The following SP5 variants were observed in gnomAD, a reference collection of about 807,000 sequenced individuals.
SP5 encodes Sp5 transcription factor.
SP5 carries 12 observed loss-of-function variants against 27.4 expected under a neutral mutation model. The ratio of observed to expected loss-of-function variants is 0.44; its 90% CI spans 0.28 to 0.71. The LOEUF is 0.71. Ranked by LOEUF, SP5 falls within the 30% of genes least tolerant of loss-of-function variation. The probability of loss-of-function intolerance (pLI) is 0.15; values close to 1 mark genes in which losing one functional copy is unlikely to be tolerated. For missense variants in SP5, 660 were observed against 589.8 expected, an observed-to-expected ratio of 1.12 and a Z score of -1.23; for synonymous variants, 330 against 290.7, an observed-to-expected ratio of 1.14 and a Z score of -1.38.
In SP5 at chr2:170,717,429, CCCA is replaced by C. The variant is rs766846978; in HGVS notation, c.*26_*28del. The C allele has an allele frequency of 6.2e-7, 1 of 1,606,270 alleles. No homozygotes were observed. The highest frequency in any genetic ancestry group is 1.1e-5 in the South Asian group (1 of 90,538). ...AGCCCTCCCGGAGGTGGACCCCCTT[CCCA>C]GCACCTCTGCGAGAGATCCGGGGAC... is the stretch of plus-strand genomic sequence containing the variant. On this transcript the variant is annotated 3_prime_UTR_variant, in exon 2 of 2. Transcript: ENST00000375281.
At position 170,716,619 on chromosome 2, in the gene SP5, C is replaced by T; in HGVS notation, c.412C>T (p.Leu138=). 1 of 1,607,954 alleles carries T rather than the reference C, an allele frequency of 6.2e-7. No homozygotes were observed. ...GATGCTGCCCTCGAGCATGGCGGCT[C>T]TGCCCGCCAGCTGCGCGCCCGCCTA... ...VKMLPSSMAA[L]PASCAPAYVP... The change falls in exon 2 of 2, where the codon CTG becomes TTG. Residue 138 remains leucine, a synonymous_variant. Transcript: ENST00000375281.
intron 1 of SP5, chr2:170,715,948 A>T: frequency 7.4e-7 from 1 of 1,343,846 alleles, no homozygotes; most frequent in South Asian, 1.9e-5. Flanking sequence ...CTGACCACGG[A>T]GCCGGGAGGG....
Position 170,717,013 on chromosome 2 carries a change from GGA to G in SP5, c.808_809del (p.Arg270ValfsTer111). The stretch of plus-strand genomic sequence containing the variant: ...AAGGCCCCCCTGGCGGCCACGGCCA[GGA>G]GGTGCCGCCGCTGCCGCTGTCCCAA... On this transcript the variant is annotated frameshift_variant, in exon 2 of 2. Coordinates refer to ENST00000375281, the MANE Select transcript of SP5 (RefSeq NM_001003845.3). LOFTEE classifies it high-confidence loss of function. 5.2e-6 allele frequency: 8 copies of G among 1,547,320 alleles called. No individual in the cohort carries two copies. Among genetic ancestry groups the G allele is most frequent in the Non-Finnish European group, 7.0e-6 (8 of 1,146,136 alleles).
Position 170,715,557 on chromosome 2 carries a change from T to TCTC in SP5, c.47_49dup (p.Leu16dup), listed in dbSNP as rs1559229613. The TCTC allele has an allele frequency of 6.4e-7, 1 of 1,557,196 alleles. No individual in the cohort carries two copies. The highest frequency in any genetic ancestry group is 1.2e-5 in the South Asian group (1 of 84,158). ...TCCGGAACGACTCGCTGCAGGCCTT[T>TCTC]CTCCAGGTCAGGGCCGAGCCCGGAG... On this transcript the variant is annotated inframe_insertion, in exon 1 of 2. Coordinates refer to ENST00000375281, the MANE Select transcript of SP5 (RefSeq NM_001003845.3).
rs777917798 is a variant in SP5 at position 170,716,442 on chromosome 2, G to A, written c.235G>A (p.Ala79Thr). 3 of 1,603,038 alleles carry A rather than the reference G, an allele frequency of 1.9e-6. No individual in the cohort carries two copies. The highest frequency in any genetic ancestry group is 1.1e-5 in the South Asian group (1 of 90,790). ...CCACCCGTGGACCGCCGACATGCCG[G>A]CGCACTCGCCAGGCGCACTGCCGCC... ...LFHPWTADMP[A>T]HSPGALPPPH... The change falls in exon 2 of 2, where the codon GCG becomes ACG. Residue 79 changes from alanine to threonine, a missense_variant. Ala to Thr is a moderately conservative substitution (Grantham distance 58, BLOSUM62 0). Coordinates refer to ENST00000375281, the MANE Select transcript of SP5 (RefSeq NM_001003845.3).
rs1200398250 is a variant in SP5, at chr2:170,715,484, C to G, written c.-29C>G. 6.5e-7 allele frequency: 1 copy of G among 1,544,702 alleles called. No homozygotes were observed. Among genetic ancestry groups the G allele is most frequent in the South Asian group, 1.2e-5 (1 of 83,616 alleles). On this transcript the variant is annotated 5_prime_UTR_variant, in exon 1 of 2. Transcript: ENST00000375281. Reference sequence around the variant, plus strand: ...CATGCCTCGGCGGCGGCGTCCCGCTCCGCAGCCAGGGGCCTGCAAGCCGTA... The same window carrying G: ...CATGCCTCGGCGGCGGCGTCCCGCTGCGCAGCCAGGGGCCTGCAAGCCGTA...
chr2:170,716,746 C>A lies in SP5; in HGVS notation c.539C>A (p.Pro180His). The part of the protein sequence containing the change: ...PPPPTCRQLS[P>H]NPAPDDLPWW... ...CCGCCCACCTGCCGCCAGTTGTCAC[C>A]CAACCCGGCCCCCGACGACCTCCCG... Residue 180 changes from proline to histidine, a missense_variant, in exon 2 of 2, where the codon CCC becomes CAC. Transcript: ENST00000375281. 1 of 1,470,458 alleles carries A rather than the reference C, an allele frequency of 6.8e-7. No individual in the cohort carries two copies. Among genetic ancestry groups the A allele is most frequent in the Non-Finnish European group, 8.9e-7 (1 of 1,118,022 alleles). 91.1% of individuals were successfully genotyped at this position (1,470,458 alleles called of 1,614,324 possible). A position where few individuals can be genotyped will look rare whatever the true frequency, so the allele number is the denominator to read the frequency against.
intron 1 of SP5, 166 bp downstream of exon 1, chr2:170,715,729 C>G: frequency 2.0e-6 from 2 of 985,420 alleles, no homozygotes; most frequent in Non-Finnish European, 2.4e-6. Context: ...TCCGGTGTGG[C>G]CTTTGCTGGA....
Position 170,717,576 on chromosome 2 carries a change from G to T in SP5, c.*172G>T. 1 of 868,824 alleles carries T rather than the reference G, an allele frequency of 1.2e-6. No individual in the cohort carries two copies. The highest frequency in any genetic ancestry group is 1.7e-6 in the Non-Finnish European group (1 of 579,332). 53.8% of individuals were successfully genotyped at this position (868,824 alleles called of 1,614,324 possible). ...TCGGACATAGGGACCCAGTTCCCAG[G>T]AGCGGGGAGGTAGGGTTGGGGCTGG... is the stretch of plus-strand genomic sequence containing the variant. On this transcript the variant is annotated 3_prime_UTR_variant, in exon 2 of 2. Transcript: ENST00000375281.
In SP5 at chr2:170,716,679, G is replaced by C; in HGVS notation, c.472G>C (p.Gly158Arg). 6.3e-7 allele frequency: 1 copy of C among 1,587,748 alleles called. No homozygotes were observed. Among genetic ancestry groups the C allele is most frequent in the African/African-American group, 1.4e-5 (1 of 72,726 alleles). The change falls in exon 2 of 2, where the codon GGC becomes CGC. Residue 158 changes from glycine to arginine, a missense_variant. Physicochemically the swap from Gly to Arg is moderately radical, Grantham distance 125. Transcript: ENST00000375281. ...CGCGGCGCAGGCCGCGCTGCCGCCA[G>C]GCTACTCCAACCTGCTGCCTCCGCC... ...PYAAQAALPP[G>R]YSNLLPPPPP...
Position 170,717,077 on chromosome 2 carries a change from G to C in SP5, c.870G>C (p.Pro290=), listed in dbSNP as rs772499390. The change falls in exon 2 of 2, where the codon CCG becomes CCC. Residue 290 remains proline, a synonymous_variant. Coordinates refer to ENST00000375281, the MANE Select transcript of SP5 (RefSeq NM_001003845.3). ...CGGGCGGCGCCCCCGAGGCGGAGCC[G>C]GGGAAGAAGAAGCAGCACGTGTGCC... is the stretch of plus-strand genomic sequence containing the variant. The part of the protein sequence containing the change: ...QAAGGAPEAE[P]GKKKQHVCHV... 2 of 1,561,978 alleles carry C rather than the reference G, an allele frequency of 1.3e-6. No homozygotes were observed. The highest frequency in any genetic ancestry group is 1.9e-5 in the Admixed American group (1 of 52,672).
At position 170,717,286 on chromosome 2, in the gene SP5, A is replaced by T. The variant is rs138180926; in HGVS notation, c.1079A>T (p.Glu360Val). 65 of 1,610,120 alleles carry T rather than the reference A, an allele frequency of 4.0e-5. No individual in the cohort carries two copies. Among genetic ancestry groups the T allele is most frequent in the Middle Eastern group, 1.7e-4 (1 of 6,060 alleles). Reference sequence around the variant, plus strand: ...GGCGAGAAGCGCTTTGCCTGTCCCGAGTGCGGCAAGCGCTTCATGCGCAGC... The same window carrying T: ...GGCGAGAAGCGCTTTGCCTGTCCCGTGTGCGGCAAGCGCTTCATGCGCAGC... Reference protein sequence around the residue: ...HTGEKRFACPECGKRFMRSDH... With the variant: ...HTGEKRFACPVCGKRFMRSDH... The change falls in exon 2 of 2, where the codon GAG becomes GTG. Residue 360 changes from glutamate (E) to valine (V), a missense_variant. By Grantham distance (121) the Glu-to-Val change is moderately radical (BLOSUM62 -2). Transcript: ENST00000375281.
At chr2:170,716,066 C>A in intron 1 of SP5, 193 bp from the exon 2 acceptor site, 1 of 1,397,288 alleles carries the variant, frequency 7.2e-7, no homozygotes, top group Non-Finnish European at 9.2e-7. Flanking sequence ...GCCCCACGTT[C>A]AGGTAGCGCA....
In SP5 at chr2:170,717,669, C is replaced by T. The variant is rs912962354; in HGVS notation, c.*265C>T. Reference sequence around the variant, plus strand: ...GGTTCCAAACTCTAAACCGTTCCCACCGTCAGGGAGACCTACAGTTTCGGG... The same window carrying T: ...GGTTCCAAACTCTAAACCGTTCCCATCGTCAGGGAGACCTACAGTTTCGGG... On this transcript the variant is annotated 3_prime_UTR_variant, in exon 2 of 2. Transcript: ENST00000375281. The T allele has an allele frequency of 1.8e-6, 1 of 551,754 alleles. No homozygotes were observed. 34.2% of individuals were successfully genotyped at this position (551,754 alleles called of 1,614,324 possible).
Position 170,717,346 on chromosome 2 carries a change from A to G in SP5, c.1139A>G (p.Asn380Ser), listed in dbSNP as rs572881879. 1.9e-6 allele frequency: 3 copies of G among 1,610,980 alleles called. No homozygotes were observed. The highest frequency in any genetic ancestry group is 2.5e-6 in the Non-Finnish European group (3 of 1,180,006). The stretch of plus-strand genomic sequence containing the variant: ...GCGAAGCACGTCAAGACTCACCAGA[A>G]TAAGAAGCTCAAAGTCGCTGAGGCC... The part of the protein sequence containing the change: ...HLAKHVKTHQ[N>S]KKLKVAEAGV... The change falls in exon 2 of 2, where the codon AAT (asparagine) becomes AGT (serine). Residue 380 changes from asparagine (N) to serine (S), a missense_variant. Coordinates refer to ENST00000375281, the MANE Select transcript of SP5 (RefSeq NM_001003845.3).
rs759962248 is a variant in SP5, at chr2:170,716,733, C to A, written c.526C>A (p.Arg176Ser). ...PPPPPPPPTC[R>S]QLSPNPAPDD... ...GCCACCGCCCCCGCCGCCCACCTGC[C>A]GCCAGTTGTCACCCAACCCGGCCCC... Residue 176 changes from arginine to serine, a missense_variant, in exon 2 of 2, where the codon CGC becomes AGC. Transcript: ENST00000375281. 1 of 1,486,964 alleles carries A rather than the reference C, an allele frequency of 6.7e-7. No individual in the cohort carries two copies. The highest frequency in any genetic ancestry group is 1.3e-5 in the South Asian group (1 of 77,722). 92.1% of individuals were successfully genotyped at this position (1,486,964 alleles called of 1,614,324 possible).
At position 170,717,493 on chromosome 2, in the gene SP5, G is replaced by C; in HGVS notation, c.*89G>C. The C allele has an allele frequency of 6.7e-7, 1 of 1,503,100 alleles. No individual in the cohort carries two copies. Among genetic ancestry groups the C allele is most frequent in the Admixed American group, 2.2e-5 (1 of 45,496 alleles). 93.1% of individuals were successfully genotyped at this position (1,503,100 alleles called of 1,614,324 possible). ...CTGGCGGAGGGGAGACTCAGCAGACGGACCCTCTCCGTTGCCTGCCTCCCA... is the reference window on the plus strand; with the variant it reads ...CTGGCGGAGGGGAGACTCAGCAGACCGACCCTCTCCGTTGCCTGCCTCCCA... On this transcript the variant is annotated 3_prime_UTR_variant, in exon 2 of 2. Coordinates refer to ENST00000375281, the MANE Select transcript of SP5 (RefSeq NM_001003845.3).
At position 170,716,515 on chromosome 2, in the gene SP5, C is replaced by G. The variant is rs750804310; in HGVS notation, c.308C>G (p.Pro103Arg). 2 of 1,611,068 alleles carry G rather than the reference C, an allele frequency of 1.2e-6. No homozygotes were observed. The highest frequency in any genetic ancestry group is 3.3e-5 in the Admixed American group (2 of 59,970). ...ACGCCGCAGAAGACGCACCTGCAGC[C>G]GTCCTTCGGGGCTGCGCACGAGCTT... Reference protein sequence around the residue: ...GLTPQKTHLQPSFGAAHELPL... With the variant: ...GLTPQKTHLQRSFGAAHELPL... The change falls in exon 2 of 2, where the codon CCG (proline) becomes CGG (arginine). Residue 103 changes from proline to arginine, a missense_variant. Transcript: ENST00000375281.
chr2:170,716,193 G>A (rs1244478264), intron 1 of SP5, 66 bp from the exon 2 acceptor site: 4 of 1,529,104 alleles, frequency 2.6e-6, no homozygotes, highest in African/African-American at 2.8e-5. Flanking sequence ...GCGGCGGGCT[G>A]GCCCGGAGTC....
Sources: allele counts gnomAD v4.1 joint callset, GRCh38; gene constraint gnomAD v4.1.1; transcripts MANE v1.5; gene names NCBI Gene and HGNC (gene_info 2026-07-23, HGNC 2026-07-21).